Variants in RSRP1 observed in about 807,000 individuals in gnomAD.
RSRP1 encodes the protein arginine and serine rich protein 1, also known as arginine/serine-rich protein 1.
Under a neutral mutation model 33.0 loss-of-function variants are expected in RSRP1, and 37 were observed. The ratio of observed to expected loss-of-function variants is 1.12; its 90% CI spans 0.86 to 1.48. The LOEUF (loss-of-function observed/expected upper bound fraction) is 1.48. Among genes scored for constraint, RSRP1 ranks in the 40% most tolerant of loss-of-function variants. The pLI is 0.00. For synonymous variants in RSRP1, 167 were observed against 158.7 expected (o/e 1.05, Z -0.40); for missense variants, 402 against 385.3 (o/e 1.04, Z -0.36).
chr1:25,249,634 GC>G (rs1639714658), upstream of RSRP1, among the ~76,000 whole-genome samples: 3 of 152,180 alleles, frequency 2.0e-5, no homozygotes. Context: ...GAGCCACTGT[GC>G]CCAGCAAATC....
chr1:25,321,674 T>TAAATAAAATAAATTA (rs1644715020), intron 1 of RSRP1, among the ~76,000 whole-genome samples: 1 of 91,228 alleles, frequency 1.1e-5, no homozygotes, highest in African/African-American at 3.3e-5. Context: ...TGTCTCAAAA[T>TAAATAAAATAAATTA]AAATAAAATA....
At position 25,254,296 on chromosome 1, in the gene RSRP1, GAGGC is replaced by G. The variant is rs1639881413; in HGVS notation, c.-66-7271_-66-7268del. On this transcript the variant is annotated intron_variant, in intron 1 of 1. Transcript: ENST00000561867. ...ATATCAGGCTTGCAGTGCTATACAGGAGGCACCCTTGATAAATTTAACACATCTG... is the reference window on the plus strand; with the variant it reads ...ATATCAGGCTTGCAGTGCTATACAGGACCCTTGATAAATTTAACACATCTG... Among the ~76,000 whole-genome samples, 8 of 152,232 alleles carry G rather than the reference GAGGC, an allele frequency of 5.3e-5. No individual in the cohort carries two copies. In the South Asian group the frequency reaches 1.7e-3, roughly 32 times the overall value.
At chr1:25,245,098 T>G (rs1422385288) in intron 3 of RSRP1, 52 bp downstream of exon 3, 1 of 1,613,838 alleles carries the variant, frequency 6.2e-7, no homozygotes, top group Non-Finnish European at 8.5e-7. Flanking sequence ...GCTAATCAGA[T>G]TTGACAGTTG....
intron 1 of RSRP1, chr1:25,303,280 T>C: frequency 8.1e-7 from 1 of 1,229,774 alleles, no homozygotes; most frequent in Middle Eastern, 2.3e-4. Flanking sequence ...TGGTGTTCTC[T>C]CTCTACCTTG....
At chr1:25,276,025 C>G (rs1222873791) in intron 1 of RSRP1, among the ~76,000 whole-genome samples, 1 of 131,944 alleles carries the variant, frequency 7.6e-6, no homozygotes, top group Non-Finnish European at 1.8e-5. Flanking sequence ...ATCTGTCAAT[C>G]CACTTAATTG....
chr1:25,272,743 G>A lies in RSRP1; in HGVS notation c.-66-25714C>T, dbSNP rs573824594. Reference sequence around the variant, plus strand: ...GTCACAGGAGCAAATAGCAGGGGCAGGGGCGGGGGAGGCCTGTGGTTCTCC... The same window carrying A: ...GTCACAGGAGCAAATAGCAGGGGCAAGGGCGGGGGAGGCCTGTGGTTCTCC... On this transcript the variant is annotated intron_variant, in intron 1 of 1. Coordinates refer to the RSRP1 transcript ENST00000561867. 1.5e-6 allele frequency: 2 copies of A among 1,375,376 alleles called. 1 individual carries two copies. Among genetic ancestry groups the A allele is most frequent in the Admixed American group, 3.6e-5 (2 of 56,182 alleles). 85.2% of individuals were successfully genotyped at this position (1,375,376 alleles called of 1,614,324 possible).
chr1:25,244,199 T>C, intron 3 of RSRP1: 1 of 1,289,184 alleles, frequency 7.8e-7, no homozygotes, highest in South Asian at 1.2e-5. Context: ...GAAGCAGGCC[T>C]CCTCTTCTGT....
Position 25,311,914 on chromosome 1 carries a change from A to G in RSRP1, c.-67+26064T>C, listed in dbSNP as rs191399519. ...CTACATTTCAAAGGGTGCTGTGAAC[A>G]GCCACCCCAGAGAGCCCCTAGTAGA... On this transcript the variant is annotated intron_variant, in intron 1 of 1. Coordinates refer to the RSRP1 transcript ENST00000561867. Among the ~76,000 whole-genome samples, 27 of 130,412 alleles carry G rather than the reference A, an allele frequency of 2.1e-4. 1 individual carries two copies. The highest frequency in any genetic ancestry group is 9.8e-4 in the East Asian group (5 of 5,120). 85.6% of individuals were successfully genotyped at this position (130,412 alleles called of 152,430 possible). A position where few individuals can be genotyped will look rare whatever the true frequency, so the allele number is the denominator to read the frequency against.
rs1232194448 is a variant in RSRP1 at position 25,292,885 on chromosome 1, G to C, written c.-67+45093C>G. On this transcript the variant is annotated intron_variant, in intron 1 of 1. Transcript: ENST00000561867. ...AGAACACCCTGCATTTTAGAGGGGG[G>C]ACATGTGTAAGAGCCAGCAAAGGAG... Among the ~76,000 whole-genome samples, 12 of 121,202 alleles carry C rather than the reference G, an allele frequency of 9.9e-5. 1 individual carries two copies. The highest frequency in any genetic ancestry group is 2.0e-4 in the East Asian group (1 of 4,994). The allele number at this position is 121,202 out of a possible 152,430, so 79.5% of individuals were successfully genotyped here.
intron 1 of RSRP1, among the ~76,000 whole-genome samples, chr1:25,292,080 T>C (rs1192162953): frequency 7.5e-6 from 1 of 132,772 alleles, no homozygotes; most frequent in Non-Finnish European, 1.8e-5. Context: ...CTTAGAGCTT[T>C]AGTTTCTTCA....
At chr1:25,261,990 G>T (rs991369373) in intron 1 of RSRP1, among the ~76,000 whole-genome samples, 28 of 152,108 alleles carry the variant, frequency 1.8e-4, no homozygotes, top group Non-Finnish European at 3.5e-4. Flanking sequence ...GGGATTACAG[G>T]TGTGAGCCAC....
chr1:25,336,652 T>TC (rs1645080784), intron 1 of RSRP1, among the ~76,000 whole-genome samples: 1 of 150,216 alleles, frequency 6.7e-6, no homozygotes, highest in Non-Finnish European at 1.5e-5. Flanking sequence ...GTATCTTTTC[T>TC]CCCGCACTCA....
At position 25,286,764 on chromosome 1, in the gene RSRP1, T is replaced by A. The variant is rs1475341487; in HGVS notation, c.-66-39735A>T. 4.8e-5 allele frequency among the ~76,000 whole-genome samples: 6 copies of A among 125,656 alleles called. 1 individual carries two copies. Among genetic ancestry groups the A allele is most frequent in the Admixed American group, 1.5e-4 (2 of 13,002 alleles). 82.4% of individuals were successfully genotyped at this position (125,656 alleles called of 152,430 possible). A position where few individuals can be genotyped will look rare whatever the true frequency, so the allele number is the denominator to read the frequency against. Reference sequence around the variant, plus strand: ...TGGTGCCACTGCACTCCAGCCTGGGTGACAGAGCGAGACTCCGTCTCAAAA... The same window carrying A: ...TGGTGCCACTGCACTCCAGCCTGGGAGACAGAGCGAGACTCCGTCTCAAAA... On this transcript the variant is annotated intron_variant, in intron 1 of 1. Transcript: ENST00000561867.
At chr1:25,249,013 G>A (rs1031180306), upstream of RSRP1, among the ~76,000 whole-genome samples, 1 of 152,146 alleles carries the variant, frequency 6.6e-6, no homozygotes, top group Admixed American at 6.6e-5. Flanking sequence ...GCTTGACATG[G>A]TGGCGGGCGC....
At chr1:25,268,325 A>C (rs1248895649) in intron 1 of RSRP1, among the ~76,000 whole-genome samples, 1 of 130,338 alleles carries the variant, frequency 7.7e-6, no homozygotes, top group African/African-American at 2.6e-5. Context: ...TCGAGACCAG[A>C]CTAGCCAACG....
chr1:25,266,506 T>C (rs1640314933), intron 1 of RSRP1, among the ~76,000 whole-genome samples: 1 of 128,724 alleles, frequency 7.8e-6, no homozygotes, highest in African/African-American at 2.8e-5. Context: ...AACTTGTCCA[T>C]TTAAAAACAG....
chr1:25,275,048 G>C lies in RSRP1; in HGVS notation c.-66-28019C>G, dbSNP rs1377405277. On this transcript the variant is annotated intron_variant, in intron 1 of 1. Coordinates refer to the RSRP1 transcript ENST00000561867. ...TCATGCCTGTAATCCCAAACACTTT[G>C]GGAGACCAAGGCAGGCAGATCACCT... 1.5e-5 allele frequency among the ~76,000 whole-genome samples: 2 copies of C among 131,746 alleles called. 1 individual carries two copies. Among genetic ancestry groups the C allele is most frequent in the Non-Finnish European group, 3.6e-5 (2 of 55,586 alleles). The allele number at this position is 131,746 out of a possible 152,430, so 86.4% of individuals were successfully genotyped here.
At chr1:25,307,174 G>A in intron 1 of RSRP1, among the ~76,000 whole-genome samples, 1 of 132,100 alleles carries the variant, frequency 7.6e-6, no homozygotes, top group East Asian at 1.9e-4. Flanking sequence ...AGGACTGTTG[G>A]GATGCTACTG....
chr1:25,248,980 C>T (rs1639680405), upstream of RSRP1, among the ~76,000 whole-genome samples: 4 of 152,146 alleles, frequency 2.6e-5, no homozygotes, highest in Admixed American at 2.6e-4. Flanking sequence ...AAAACCCCAT[C>T]TCTACTAAAA....
Sources: allele counts gnomAD v4.1 joint callset (sites outside exome capture counted in the v4.1 genomes callset), GRCh38; gene constraint gnomAD v4.1.1; transcripts MANE v1.5; gene names NCBI Gene and HGNC (gene_info 2026-07-23, HGNC 2026-07-21).